FBN2: variants seen among roughly 807,000 people sequenced by gnomAD.
The protein encoded by FBN2 is fibrillin 2.
Under a neutral mutation model 355.6 loss-of-function variants are expected in FBN2, and 105 were observed. The observed-to-expected ratio is 0.30, with a 90% confidence interval of 0.25 to 0.35. The LOEUF (loss-of-function observed/expected upper bound fraction) is 0.35. FBN2 is among the 10% of genes least tolerant of loss of function. FBN2 has a pLI of 1.00. For synonymous variants in FBN2, 1,350 were observed against 1,301.2 expected, an observed-to-expected ratio of 1.04 and a Z score of -0.81; for missense variants, 3,280 against 3,758.7, an observed-to-expected ratio of 0.87 and a Z score of 3.33.
chr5:128,413,685 G>C (rs1453914952), intron 7 of FBN2, among the ~76,000 whole-genome samples: 1 of 152,020 alleles, frequency 6.6e-6, no homozygotes, highest in Non-Finnish European at 1.5e-5. Context: ...GAACACCCTA[G>C]AGAGACTGTC....
chr5:128,516,340 T>A (rs1245474607), intron 5 of FBN2, among the ~76,000 whole-genome samples: 2 of 152,106 alleles, frequency 1.3e-5, no homozygotes, highest in African/African-American at 4.8e-5. Flanking sequence ...ATGAGCTGTC[T>A]GCATTTTACA....
At chr5:128,451,259 A>T (rs1252114115) in intron 6 of FBN2, among the ~76,000 whole-genome samples, 1 of 152,192 alleles carries the variant, frequency 6.6e-6, no homozygotes, top group East Asian at 1.9e-4. Context: ...TTTTGTACTG[A>T]ATTAAAGTAG....
chr5:128,350,783 T>C, intron 21 of FBN2, 85 bp downstream of exon 21: 7 of 1,491,602 alleles, frequency 4.7e-6, no homozygotes, highest in Non-Finnish European at 6.5e-6. Context: ...CCTTCTTCAC[T>C]AAGGAACTGC....
At chr5:128,358,070 T>C (rs1190171003) in intron 19 of FBN2, among the ~76,000 whole-genome samples, 1 of 152,180 alleles carries the variant, frequency 6.6e-6, no homozygotes, top group Non-Finnish European at 1.5e-5. Context: ...AATGAAATCA[T>C]ATACCATAAT....
At chr5:128,302,624 G>A (rs746534621) in intron 46 of FBN2, among the ~76,000 whole-genome samples, 1 of 152,184 alleles carries the variant, frequency 6.6e-6, no homozygotes, top group Admixed American at 6.5e-5. Flanking sequence ...TGAAATACTT[G>A]TAATAACATT....
chr5:128,344,577 T>C lies in FBN2; in HGVS notation c.3218-67A>G, dbSNP rs1751118787. The C allele has an allele frequency of 3.3e-6, 5 of 1,506,234 alleles. No individual in the cohort carries two copies. In the South Asian group the frequency reaches 4.5e-5, roughly 14 times the overall value. The allele number at this position is 1,506,234 out of a possible 1,614,324, so 93.3% of individuals were successfully genotyped here. ...AAACGATTAGGTCCATCACTTTAAG[T>C]TAAAAATCTATCATGATGGACAACA... On this transcript the variant is annotated intron_variant, in intron 24 of 64. Coordinates refer to ENST00000262464, the MANE Select transcript of FBN2 (RefSeq NM_001999.4).
chr5:128,391,898 A>G, intron 11 of FBN2, 120 bp downstream of exon 11: 1 of 871,496 alleles, frequency 1.1e-6, no homozygotes, highest in Non-Finnish European at 1.9e-6. Context: ...CAGAAGAGAC[A>G]GTTTGGAAAT....
intron 5 of FBN2, among the ~76,000 whole-genome samples, chr5:128,500,259 CA>C (rs1240350997): frequency 2.7e-5 from 4 of 150,426 alleles, no homozygotes; most frequent in African/African-American, 9.8e-5. Context: ...ACAACAACAA[CA>C]AAGGTCAAAT....
At chr5:128,291,434 T>C in intron 49 of FBN2, 95 bp downstream of exon 49, 1 of 1,371,404 alleles carries the variant, frequency 7.3e-7, no homozygotes, top group Non-Finnish European at 1.0e-6. Context: ...CATAGACATG[T>C]ATTTTGTTAG....
intron 20 of FBN2, among the ~76,000 whole-genome samples, chr5:128,355,583 G>A (rs1751479046): frequency 6.6e-6 from 1 of 152,082 alleles, no homozygotes; most frequent in Non-Finnish European, 1.5e-5. Flanking sequence ...TGGACCTGTG[G>A]AAGAGAAAGT....
At chr5:128,377,620 T>C (rs1752112941) in intron 13 of FBN2, 132 bp downstream of exon 13, 1 of 972,094 alleles carries the variant, frequency 1.0e-6, no homozygotes, top group East Asian at 2.4e-5. Flanking sequence ...TTAAATGCAT[T>C]TGCATTTTAC....
intron 7 of FBN2, among the ~76,000 whole-genome samples, chr5:128,411,344 AG>A (rs1753056233): frequency 6.6e-6 from 1 of 152,238 alleles, no homozygotes; most frequent in African/African-American, 2.4e-5. Flanking sequence ...TCTGGTGTCC[AG>A]GGAGAATCAG....
chr5:128,272,806 A>C (rs1765300498), intron 61 of FBN2, among the ~76,000 whole-genome samples: 1 of 152,088 alleles, frequency 6.6e-6, no homozygotes, highest in Non-Finnish European at 1.5e-5. Context: ...GGGTGTAACA[A>C]ATTTACATGG....
chr5:128,288,587 A>G lies in FBN2; in HGVS notation c.6638-30T>C, dbSNP rs750974538. The G allele has an allele frequency of 7.5e-6, 12 of 1,610,572 alleles. No homozygotes were observed. The Admixed American group carries it at 8.3e-5, about 11-fold the overall frequency. On this transcript the variant is annotated intron_variant, in intron 52 of 64. Coordinates refer to ENST00000262464, the MANE Select transcript of FBN2 (RefSeq NM_001999.4). ...AAAAGAAGAATAAGAAACTGCCACA[A>G]AGATGTTTTAGTTTAACAGGAGAAT...
At chr5:128,504,771 G>A (rs1755909813) in intron 5 of FBN2, among the ~76,000 whole-genome samples, 2 of 152,190 alleles carry the variant, frequency 1.3e-5, no homozygotes, top group African/African-American at 4.8e-5. Context: ...GTTAATGCTA[G>A]AATGAGCTAA....
In FBN2 at chr5:128,508,195, T is replaced by C. The variant is rs545165573; in HGVS notation, c.628+11078A>G. Reference sequence around the variant, plus strand: ...TAGATTTCTTATAGGCAGCATATAATTGGATTTTTAAAATCCTACATAACA... The same window carrying C: ...TAGATTTCTTATAGGCAGCATATAACTGGATTTTTAAAATCCTACATAACA... On this transcript the variant is annotated intron_variant, in intron 5 of 64. Transcript: ENST00000262464. 2.6e-5 allele frequency among the ~76,000 whole-genome samples: 4 copies of C among 152,112 alleles called. No individual in the cohort carries two copies. In the South Asian group the frequency reaches 6.2e-4, roughly 24 times the overall value.
Position 128,350,992 on chromosome 5 carries a change from C to A in FBN2, c.2688G>T (p.Gly896=). ...TGTCCTGGATGTTGAGCCAACAGGTCCCCTTCAGGCTGTCTGAAAAGGAAC... is the reference window on the plus strand; with the variant it reads ...TGTCCTGGATGTTGAGCCAACAGGTACCCTTCAGGCTGTCTGAAAAGGAAC... ...TGLICIDSLK[G]TCWLNIQDSR... Residue 896 remains glycine, a synonymous_variant, in exon 21 of 65, where the codon GGG becomes GGT. Coordinates refer to ENST00000262464, the MANE Select transcript of FBN2 (RefSeq NM_001999.4). 1 of 1,614,150 alleles carries A rather than the reference C, an allele frequency of 6.2e-7. No individual in the cohort carries two copies. The highest frequency in any genetic ancestry group is 8.5e-7 in the Non-Finnish European group (1 of 1,180,020).
At chr5:128,414,943 A>G (rs1753157827) in intron 7 of FBN2, among the ~76,000 whole-genome samples, 1 of 152,138 alleles carries the variant, frequency 6.6e-6, no homozygotes, top group Non-Finnish European at 1.5e-5. Context: ...ATATCTGTTC[A>G]ATTCCTTTGC....
chr5:128,416,089 C>T (rs1229329105), intron 7 of FBN2, among the ~76,000 whole-genome samples: 1 of 149,284 alleles, frequency 6.7e-6, no homozygotes, highest in African/African-American at 2.5e-5. Flanking sequence ...TGCAATGGGG[C>T]GATCTCGGCT....
Sources: allele counts gnomAD v4.1 joint callset (sites outside exome capture counted in the v4.1 genomes callset), GRCh38; gene constraint gnomAD v4.1.1; transcripts MANE v1.5; gene names NCBI Gene and HGNC (gene_info 2026-07-23, HGNC 2026-07-21).